The following GDAP2 variants were observed in gnomAD, a reference collection of about 807,000 sequenced individuals.
GDAP2 encodes the protein ganglioside-induced differentiation-associated protein 2.
A neutral mutation model predicts 67.0 loss-of-function variants in GDAP2; 51 were observed. That is an observed-to-expected ratio of 0.76 (90% CI 0.61 to 0.96). GDAP2 has a LOEUF of 0.96. GDAP2 is among the 40% of genes least tolerant of loss of function. GDAP2 has a pLI of 0.00. For synonymous variants in GDAP2, 203 were observed against 207.3 expected, an observed-to-expected ratio of 0.98 and a Z score of 0.18; for missense variants, 547 against 588.3, an observed-to-expected ratio of 0.93 and a Z score of 0.73.
At chr1:117,916,966 G>A (rs1053954892) in intron 3 of GDAP2, among the ~76,000 whole-genome samples, 2 of 151,700 alleles carry the variant, frequency 1.3e-5, no homozygotes, top group African/African-American at 2.4e-5. Flanking sequence ...CCTGGGAGGC[G>A]GAGGTTGTGG....
intron 5 of GDAP2, 33 bp downstream of exon 5, chr1:117,911,961 C>T (rs1187725024): frequency 8.1e-7 from 1 of 1,241,146 alleles, no homozygotes; most frequent in Admixed American, 1.7e-5. Context: ...TTTTAAGATT[C>T]AATTCATGTA....
rs1350143397 is a variant in GDAP2, at chr1:117,908,831, ATAAAT to A, written c.560-2254_560-2250del. 6.5e-3 allele frequency among the ~76,000 whole-genome samples: 948 copies of A among 146,110 alleles called. 5 individuals are homozygous for A. The highest frequency in any genetic ancestry group is 0.022 in the African/African-American group (885 of 39,636). ...CAGTGTATGACTCTATCTCAAAAAA[ATAAAT>A]AAATAAATAAATAAATAAATAAAGA... On this transcript the variant is annotated intron_variant, in intron 5 of 13. Coordinates refer to ENST00000369443, the MANE Select transcript of GDAP2 (RefSeq NM_017686.4).
chr1:117,914,625 C>T (rs1570991374), intron 3 of GDAP2, among the ~76,000 whole-genome samples: 2 of 152,018 alleles, frequency 1.3e-5, no homozygotes, highest in African/African-American at 4.8e-5. Context: ...AGGCAAATCC[C>T]TGTAAAATTT....
intron 1 of GDAP2, among the ~76,000 whole-genome samples, chr1:117,920,808 A>T (rs1650224549): frequency 6.6e-6 from 1 of 152,150 alleles, no homozygotes; most frequent in Non-Finnish European, 1.5e-5. Flanking sequence ...TTAAAGTCTG[A>T]TGATAATGTG....
At chr1:117,890,308 T>C (rs933316930) in intron 8 of GDAP2, among the ~76,000 whole-genome samples, 4 of 152,110 alleles carry the variant, frequency 2.6e-5, no homozygotes, top group Non-Finnish European at 5.9e-5. Flanking sequence ...TACACACTTA[T>C]TGAAAAGGCT....
Position 117,868,946 on chromosome 1 carries a change from C to T in GDAP2, c.*1623G>A, listed in dbSNP as rs1648165667. ...CCTTTATCTAAAAAATGTAAAGTCT[C>T]TTCTTGTTTATATGGGAAAATACAG... On this transcript the variant is annotated 3_prime_UTR_variant, in exon 14 of 14. Transcript: ENST00000369443. 6.6e-6 allele frequency: 1 copy of T among 152,102 alleles called. No homozygotes were observed. The highest frequency in any genetic ancestry group is 2.1e-4 in the South Asian group (1 of 4,824). 9.4% of individuals were successfully genotyped at this position (152,102 alleles called of 1,614,324 possible).
In GDAP2 at chr1:117,926,965, C is replaced by T. The variant is rs371365923; in HGVS notation, c.-68+2483G>A. Among the ~76,000 whole-genome samples the T allele has an allele frequency of 2.7e-4, 41 of 150,716 alleles. No homozygotes were observed. The East Asian group carries it at 3.7e-3, about 14-fold the overall frequency. On this transcript the variant is annotated intron_variant, in intron 1 of 13. Coordinates refer to ENST00000369443, the MANE Select transcript of GDAP2 (RefSeq NM_017686.4). Reference sequence around the variant, plus strand: ...TGAAAATCAGTTGATCAGCTCTGTACTTTTAATAAGTTCATAAACAAACAC... The same window carrying T: ...TGAAAATCAGTTGATCAGCTCTGTATTTTTAATAAGTTCATAAACAAACAC...
chr1:117,926,156 T>G (rs1024488652), intron 1 of GDAP2, among the ~76,000 whole-genome samples: 2 of 152,240 alleles, frequency 1.3e-5, no homozygotes, highest in Admixed American at 1.3e-4. Flanking sequence ...TAGCTCTACT[T>G]CCTCTTCGTA....
intron 8 of GDAP2, among the ~76,000 whole-genome samples, chr1:117,891,784 T>TAA (rs147812935): frequency 6.6e-6 from 1 of 151,874 alleles, no homozygotes; most frequent in Non-Finnish European, 1.5e-5. Context: ...TTCATGTCTT[T>TAA]AAAAAAATCT....
chr1:117,894,992 T>C (rs1171942304), intron 8 of GDAP2, among the ~76,000 whole-genome samples: 1 of 152,178 alleles, frequency 6.6e-6, no homozygotes, highest in East Asian at 1.9e-4. Context: ...GTGTCAATAC[T>C]TGGAGCTCTG....
Position 117,870,490 on chromosome 1 carries a change from A to C in GDAP2, c.*79T>G. The C allele has an allele frequency of 1.1e-6, 1 of 893,756 alleles. No homozygotes were observed. The highest frequency in any genetic ancestry group is 1.9e-6 in the Non-Finnish European group (1 of 523,658). The allele number at this position is 893,756 out of a possible 1,614,324, so 55.4% of individuals were successfully genotyped here. Reference sequence around the variant, plus strand: ...AGGCTCTCTGGATCTGTACAGCAACAATGAATATCACTTCAACAGGTAGCT... The same window carrying C: ...AGGCTCTCTGGATCTGTACAGCAACCATGAATATCACTTCAACAGGTAGCT... On this transcript the variant is annotated 3_prime_UTR_variant, in exon 14 of 14. Transcript: ENST00000369443.
intron 1 of GDAP2, among the ~76,000 whole-genome samples, chr1:117,925,724 ATCTTTGAC>A (rs1433799705): frequency 6.6e-6 from 1 of 152,160 alleles, no homozygotes; most frequent in Non-Finnish European, 1.5e-5. Flanking sequence ...TAGTTTTGTT[ATCTTTGAC>A]TCTGAACCAG....
intron 12 of GDAP2, among the ~76,000 whole-genome samples, chr1:117,880,009 C>T (rs1648597132): frequency 6.6e-6 from 1 of 152,104 alleles, no homozygotes; most frequent in African/African-American, 2.4e-5. Flanking sequence ...AAGACCCCAT[C>T]TCTATAAAAA....
intron 10 of GDAP2, among the ~76,000 whole-genome samples, chr1:117,886,368 T>G (rs1171161102): frequency 1.3e-5 from 2 of 152,168 alleles, no homozygotes; most frequent in Non-Finnish European, 2.9e-5. Flanking sequence ...ATTACTGTAT[T>G]CCAGTATTTT....
At chr1:117,885,107 C>G (rs1648804720) in intron 10 of GDAP2, among the ~76,000 whole-genome samples, 1 of 152,148 alleles carries the variant, frequency 6.6e-6, no homozygotes, top group Non-Finnish European at 1.5e-5. Flanking sequence ...ATCTGCCTGC[C>G]TCAGCCTCCC....
intron 1 of GDAP2, among the ~76,000 whole-genome samples, chr1:117,928,002 T>C (rs552302182): frequency 6.6e-6 from 1 of 152,364 alleles, no homozygotes; most frequent in Non-Finnish European, 1.5e-5. Context: ...ACAGTTGCTC[T>C]GATACCAACT....
chr1:117,897,548 A>C lies in GDAP2; in HGVS notation c.797-559T>G, dbSNP rs150852903. Among the ~76,000 whole-genome samples, 665 of 152,352 alleles carry C rather than the reference A, an allele frequency of 4.4e-3. 2 individuals are homozygous for C. The highest frequency in any genetic ancestry group is 0.015 in the African/African-American group (643 of 41,576). On this transcript the variant is annotated intron_variant, in intron 7 of 13. Coordinates refer to ENST00000369443, the MANE Select transcript of GDAP2 (RefSeq NM_017686.4). ...CATACCAACCTAGTTATTTTGGTCC[A>C]TAAGAGTTATAGTTTTCACTACAAA...
chr1:117,909,765 T>C lies in GDAP2; in HGVS notation c.559+2229A>G, dbSNP rs10489590. 0.024 allele frequency among the ~76,000 whole-genome samples: 3,597 copies of C among 152,276 alleles called. 257 individuals are homozygous for C. The East Asian group carries it at 0.27, about 12-fold the overall frequency. On this transcript the variant is annotated intron_variant, in intron 5 of 13. Transcript: ENST00000369443. ...CCCTTATACCCATTATTGATCTTTA[T>C]CTGCTGTTACTCTCAAAGTTGACCT...
chr1:117,897,306 A>C (rs1188283449), intron 7 of GDAP2, among the ~76,000 whole-genome samples: 1 of 152,252 alleles, frequency 6.6e-6, no homozygotes, highest in African/African-American at 2.4e-5. Context: ...CTGGCTTTAA[A>C]GATGGCTCAT....
Sources: gnomAD v4.1 joint callset for allele counts (sites outside exome capture counted in the v4.1 genomes callset) on GRCh38, gnomAD v4.1.1 for gene constraint, MANE v1.5 for transcripts, NCBI Gene and HGNC (gene_info 2026-07-23, HGNC 2026-07-21) for gene names.